IL18BP: variants seen among roughly 807,000 people sequenced by gnomAD.
IL18BP encodes interleukin-18-binding protein.
In IL18BP, 23 loss-of-function variants were observed where a neutral mutation model predicts 19.9. The ratio of observed to expected loss-of-function variants is 1.15; its 90% confidence interval spans 0.83 to 1.64. The LOEUF (loss-of-function observed/expected upper bound fraction) is 1.64. Ranked by LOEUF, IL18BP falls within the 40% of genes most tolerant of loss-of-function variation. IL18BP has a pLI of 0.00. For missense variants in IL18BP, 239 were observed against 240.7 expected (o/e 0.99, Z 0.05); for synonymous variants, 107 against 101.0 (o/e 1.06, Z -0.35).
chr11:72,000,724 C>T (rs920193877), intron 3 of IL18BP, among the ~76,000 whole-genome samples, 167 bp downstream of exon 3: 3 of 152,264 alleles, frequency 2.0e-5, no homozygotes, highest in Non-Finnish European at 2.9e-5. Flanking sequence ...GCAGGCTTGG[C>T]GCAGCTCCCA....
chr11:72,003,229 T>C, downstream of IL18BP: 1 of 470,872 alleles, frequency 2.1e-6, no homozygotes. Flanking sequence ...GACCCAGCCA[T>C]CAAAACCAGC....
downstream of IL18BP, chr11:72,003,578 G>T: frequency 2.5e-6 from 4 of 1,613,570 alleles, no homozygotes; most frequent in Non-Finnish European, 3.4e-6. Flanking sequence ...GAGAACTTGC[G>T]ATACTAGCCT....
downstream of IL18BP, chr11:72,005,109 A>T: frequency 8.8e-7 from 1 of 1,139,864 alleles, no homozygotes; most frequent in Non-Finnish European, 1.2e-6. Context: ...AAACATGAGA[A>T]GGTCACCCTC....
chr11:72,002,670 GAA>G lies in IL18BP; in HGVS notation c.*812_*813del, dbSNP rs1955335481. ...CAGGGGAACACAGGCGCTTGAAAAA[GAA>G]AAGAGAGAACAGCCCATAATGCTCC... On this transcript the variant is annotated 3_prime_UTR_variant, in exon 6 of 6. Coordinates refer to ENST00000393703, the MANE Select transcript of IL18BP (RefSeq NM_001039660.2). 1 of 170,376 alleles carries G rather than the reference GAA, an allele frequency of 5.9e-6. No homozygotes were observed. The highest frequency in any genetic ancestry group is 2.4e-5 in the African/African-American group (1 of 41,970). The allele number at this position is 170,376 out of a possible 1,614,324, so 10.6% of individuals were successfully genotyped here. A position where few individuals can be genotyped will look rare whatever the true frequency, so the allele number is the denominator to read the frequency against.
downstream of IL18BP, chr11:72,005,911 G>C: frequency 1.3e-6 from 1 of 789,526 alleles, no homozygotes; most frequent in Non-Finnish European, 2.0e-6. Context: ...GGAGGGGCAG[G>C]TGGAGCTGGA....
downstream of IL18BP, chr11:72,003,850 A>T (rs575836608): frequency 7.5e-6 from 12 of 1,605,808 alleles, no homozygotes; most frequent in Non-Finnish European, 1.0e-5. Context: ...CCATGCTCTC[A>T]TCGGGTTTCC....
downstream of IL18BP, chr11:72,005,969 TC>T (rs1426830156): frequency 2.3e-6 from 3 of 1,326,338 alleles, no homozygotes; most frequent in African/African-American, 1.5e-5. Flanking sequence ...TTTCCTCTTT[TC>T]CCTGTGCCAC....
chr11:72,005,689 C>G (rs973965656), downstream of IL18BP: 5 of 493,818 alleles, frequency 1.0e-5, no homozygotes, highest in Admixed American at 2.0e-4. Flanking sequence ...CAGGGGCTCC[C>G]TGGTGCCCAA....
At chr11:72,003,501 T>TG, downstream of IL18BP, 1 of 1,611,686 alleles carries the variant, frequency 6.2e-7, no homozygotes, top group African/African-American at 1.3e-5. Flanking sequence ...GGGACACAGG[T>TG]GGGGCCACTC....
chr11:72,007,721 TA>T, downstream of IL18BP: 1 of 471,498 alleles, frequency 2.1e-6, no homozygotes, highest in Non-Finnish European at 3.8e-6. Flanking sequence ...CGTCCCAATC[TA>T]AGCCCACTTC....
At chr11:72,003,545 G>A (rs1291090135), downstream of IL18BP, 1 of 1,614,062 alleles carries the variant, frequency 6.2e-7, no homozygotes, top group Non-Finnish European at 8.5e-7. Context: ...TTGCCTGAAA[G>A]AGACACAGTC....
downstream of IL18BP, chr11:72,004,047 A>G: frequency 6.2e-7 from 1 of 1,613,560 alleles, no homozygotes; most frequent in Non-Finnish European, 8.5e-7. Flanking sequence ...GCTGTTCCCT[A>G]GCTTCTTGGG....
downstream of IL18BP, chr11:72,007,483 AT>A (rs142924918): frequency 4.3e-3 from 6,876 of 1,602,292 alleles, 251 homozygotes; most frequent in African/African-American, 0.082. Flanking sequence ...GCTAGAAGGC[AT>A]TTTGTCCAGC....
chr11:72,002,886 AT>A (rs1297018196), downstream of IL18BP: 1 of 224,330 alleles, frequency 4.5e-6, no homozygotes, highest in Non-Finnish European at 8.9e-6. Context: ...AATAGACTTT[AT>A]TTACAAGTAA....
downstream of IL18BP, chr11:72,004,514 C>T: frequency 1.6e-6 from 2 of 1,255,202 alleles, no homozygotes; most frequent in South Asian, 1.3e-5. Context: ...ATGGGTCAGG[C>T]CCTTGGAGAG....
chr11:72,005,756 C>T, downstream of IL18BP: 1 of 506,318 alleles, frequency 2.0e-6, no homozygotes. Flanking sequence ...CAGCCCATCA[C>T]CGCCTGAGAA....
chr11:72,000,427 GACC>G lies in IL18BP; in HGVS notation c.111_113del (p.Thr38del), dbSNP rs1452583469. ...TGGTCAGAGCCACACCTGTCTCGCAGACCACCACAGCTGCCACTGCCTCAGTTA... is the reference window on the plus strand; with the variant it reads ...TGGTCAGAGCCACACCTGTCTCGCAGACCACAGCTGCCACTGCCTCAGTTA... On this transcript the variant is annotated inframe_deletion, in exon 3 of 6. Transcript: ENST00000393703. 1 of 1,613,942 alleles carries G rather than the reference GACC, an allele frequency of 6.2e-7. No individual in the cohort carries two copies. Among genetic ancestry groups the G allele is most frequent in the East Asian group, 2.2e-5 (1 of 44,886 alleles).
At chr11:72,003,415 G>A (rs1466374919), downstream of IL18BP, 6 of 1,045,840 alleles carry the variant, frequency 5.7e-6, no homozygotes, top group Non-Finnish European at 7.5e-6. Context: ...CTAGGGGTTT[G>A]GCTACTGTTG....
chr11:72,004,166 G>A (rs1955501585), downstream of IL18BP: 53 of 1,606,372 alleles, frequency 3.3e-5, 1 homozygote, highest in East Asian at 2.7e-4. Flanking sequence ...GCTGTGCCAC[G>A]CTCTATCAGC....
Sources: allele counts gnomAD v4.1 joint callset (sites outside exome capture counted in the v4.1 genomes callset), GRCh38; gene constraint gnomAD v4.1.1; transcripts MANE v1.5; gene names NCBI Gene and HGNC (gene_info 2026-07-23, HGNC 2026-07-21).